Variants in PRTFDC1 observed in about 807,000 individuals in gnomAD.
The protein encoded by PRTFDC1 is phosphoribosyl transferase domain containing 1.
PRTFDC1 carries 38 observed loss-of-function variants against 34.6 expected under a neutral mutation model. The ratio of observed to expected loss-of-function variants is 1.10; its 90% CI spans 0.85 to 1.44. The LOEUF is 1.44. Ranked by LOEUF, PRTFDC1 falls within the 40% of genes most tolerant of loss-of-function variation. The probability of loss-of-function intolerance (pLI) is 0.00; values close to 1 mark genes in which losing one functional copy is unlikely to be tolerated. For synonymous variants in PRTFDC1, 93 were observed against 98.1 expected (o/e 0.95, Z 0.31); for missense variants, 270 against 283.0 (o/e 0.95, Z 0.33).
At chr10:24,942,496 A>G in intron 1 of PRTFDC1, 60 bp from the exon 2 acceptor site, 2 of 1,323,870 alleles carry the variant, frequency 1.5e-6, no homozygotes, top group East Asian at 2.3e-5. Context: ...TTAAAACATA[A>G]CAAAAGAGTA....
chr10:24,927,581 A>ATTTTTT lies in PRTFDC1; in HGVS notation c.339+9597_339+9602dup, dbSNP rs5783910. On this transcript the variant is annotated intron_variant, in intron 3 of 8. Transcript: ENST00000320152. ...TATTGAAGTGATATTGCGGGACCCA[A>ATTTTTT]TTTTTTTTTTTTTTTTTTTGAGACA... Among the ~76,000 whole-genome samples the ATTTTTT allele has an allele frequency of 2.1e-3, 283 of 133,766 alleles. 11 individuals carry two copies. The highest frequency in any genetic ancestry group is 7.8e-3 in the African/African-American group (271 of 34,734). The allele number at this position is 133,766 out of a possible 152,430, so 87.8% of individuals were successfully genotyped here. A position where few individuals can be genotyped will look rare whatever the true frequency, so the allele number is the denominator to read the frequency against.
At chr10:24,918,353 A>G (rs1433104780) in intron 3 of PRTFDC1, among the ~76,000 whole-genome samples, 1 of 151,914 alleles carries the variant, frequency 6.6e-6, no homozygotes, top group African/African-American at 2.4e-5. Context: ...ATCATATTAT[A>G]TATATCCATG....
At chr10:24,924,352 C>A (rs1848839042) in intron 3 of PRTFDC1, among the ~76,000 whole-genome samples, 1 of 152,164 alleles carries the variant, frequency 6.6e-6, no homozygotes, top group Non-Finnish European at 1.5e-5. Flanking sequence ...ACATAATTGT[C>A]AGATTCATCA....
chr10:24,881,558 T>C (rs1353964532), intron 3 of PRTFDC1, among the ~76,000 whole-genome samples: 1 of 152,322 alleles, frequency 6.6e-6, no homozygotes, highest in African/African-American at 2.4e-5. Flanking sequence ...TCCTGATATT[T>C]TTCCAGGTCT....
chr10:24,859,395 G>A (rs1847637961), intron 4 of PRTFDC1, among the ~76,000 whole-genome samples: 1 of 152,176 alleles, frequency 6.6e-6, no homozygotes, highest in South Asian at 2.1e-4. Context: ...ACGTGGCTGG[G>A]ATTATAGGTA....
intron 3 of PRTFDC1, among the ~76,000 whole-genome samples, chr10:24,876,699 A>C (rs1481226103): frequency 6.6e-6 from 1 of 152,046 alleles, no homozygotes; most frequent in Non-Finnish European, 1.5e-5. Context: ...ATCTCAAAAA[A>C]AAAATTTATT....
At chr10:24,856,789 C>T in intron 6 of PRTFDC1, 124 bp downstream of exon 6, 5 of 862,872 alleles carry the variant, frequency 5.8e-6, no homozygotes, top group Middle Eastern at 2.2e-4. Context: ...GCTGTAATAC[C>T]CCAGGGGAAA....
At chr10:24,920,131 T>A (rs1194172870) in intron 3 of PRTFDC1, among the ~76,000 whole-genome samples, 1 of 151,970 alleles carries the variant, frequency 6.6e-6, no homozygotes, top group Non-Finnish European at 1.5e-5. Flanking sequence ...GGGTATATAC[T>A]CAAAGGAATA....
intron 3 of PRTFDC1, among the ~76,000 whole-genome samples, chr10:24,917,570 G>T (rs777754086): frequency 4.6e-5 from 7 of 152,012 alleles, no homozygotes; most frequent in Non-Finnish European, 7.4e-5. Context: ...CTTTTTTAGG[G>T]TTTTTTAGTT....
intron 3 of PRTFDC1, among the ~76,000 whole-genome samples, chr10:24,876,121 G>A (rs935434051): frequency 2.0e-5 from 3 of 152,058 alleles, no homozygotes; most frequent in African/African-American, 7.2e-5. Flanking sequence ...GCTCATGCCT[G>A]CAGAGGCAGG....
rs750869926 is a variant in PRTFDC1, at chr10:24,937,341, A to G, written c.182T>C (p.Met61Thr). 13 of 1,610,854 alleles carry G rather than the reference A, an allele frequency of 8.1e-6. No individual in the cohort carries two copies. Among genetic ancestry groups the G allele is most frequent in the African/African-American group, 2.7e-5 (2 of 74,816 alleles). The change falls in exon 3 of 9, where the codon ATG (methionine) becomes ACG (threonine). Residue 61 changes from methionine (M) to threonine (T), a missense_variant. Coordinates refer to ENST00000320152, the MANE Select transcript of PRTFDC1 (RefSeq NM_020200.7). ...DRIERLAKDIMKDIGYSDIMV... is the reference protein window; with the variant it reads ...DRIERLAKDITKDIGYSDIMV... The stretch of plus-strand genomic sequence containing the variant: ...GATGTCACTATATCCTATGTCTTTC[A>G]TAATATCCTTGGCCAGCCGCTCAAT...
At chr10:24,877,202 A>G (rs942475495) in intron 3 of PRTFDC1, among the ~76,000 whole-genome samples, 1 of 149,828 alleles carries the variant, frequency 6.7e-6, no homozygotes, top group African/African-American at 2.5e-5. Flanking sequence ...TGCCCGACTA[A>G]TTTTTTTTTT....
intron 3 of PRTFDC1, among the ~76,000 whole-genome samples, chr10:24,910,178 T>A (rs1297878556): frequency 2.6e-5 from 4 of 151,740 alleles, no homozygotes; most frequent in Admixed American, 1.3e-4. Flanking sequence ...AATAAATAAA[T>A]TTTTCCAATA....
At chr10:24,898,880 C>T (rs970432255) in intron 3 of PRTFDC1, among the ~76,000 whole-genome samples, 1 of 152,078 alleles carries the variant, frequency 6.6e-6, no homozygotes, top group Non-Finnish European at 1.5e-5. Flanking sequence ...GAGGGGGAGC[C>T]TCAGAGAGGT....
At chr10:24,906,196 GC>G (rs1848532113) in intron 3 of PRTFDC1, among the ~76,000 whole-genome samples, 1 of 152,110 alleles carries the variant, frequency 6.6e-6, no homozygotes, top group Non-Finnish European at 1.5e-5. Context: ...CTTTCTCAAT[GC>G]TTTCTCATTG....
Position 24,849,775 on chromosome 10 carries a change from C to T in PRTFDC1, c.*69G>A, listed in dbSNP as rs12251874. The T allele has an allele frequency of 4.9e-3, 7,389 of 1,502,000 alleles. 310 individuals carry two copies. In the African/African-American group the frequency reaches 0.089, roughly 18 times the overall value. 93.0% of individuals were successfully genotyped at this position (1,502,000 alleles called of 1,614,324 possible). A position where few individuals can be genotyped will look rare whatever the true frequency, so the allele number is the denominator to read the frequency against. ...AAGATGCCTGGGGGGACAAACTTGA[C>T]AGCTGGCTTCCCAAGTACAGGCGTA... On this transcript the variant is annotated 3_prime_UTR_variant, in exon 9 of 9. Coordinates refer to ENST00000320152, the MANE Select transcript of PRTFDC1 (RefSeq NM_020200.7).
At chr10:24,872,484 T>A (rs991271582) in intron 3 of PRTFDC1, among the ~76,000 whole-genome samples, 8 of 151,990 alleles carry the variant, frequency 5.3e-5, no homozygotes, top group Non-Finnish European at 1.2e-4. Context: ...TGGAGAACAG[T>A]CAGATTCTGA....
In PRTFDC1 at chr10:24,937,183, C is replaced by T. The variant is rs200514816; in HGVS notation, c.339+1G>A. On this transcript the variant is annotated splice_donor_variant, in intron 3 of 8. Transcript: ENST00000320152. LOFTEE classifies it high-confidence loss of function. ...ATAAAGCGGAACTTGTAATAACTTA[C>T]CCTGTAACTTTTTAGTCTGATGAAA... 151 of 1,608,136 alleles carry T rather than the reference C, an allele frequency of 9.4e-5. No individual in the cohort carries two copies. The highest frequency in any genetic ancestry group is 1.2e-4 in the Non-Finnish European group (147 of 1,176,692).
chr10:24,894,375 C>T (rs1256437820), intron 3 of PRTFDC1, among the ~76,000 whole-genome samples: 1 of 151,446 alleles, frequency 6.6e-6, no homozygotes. Context: ...TAGGAGGGCA[C>T]TGCTGGCCCT....
Sources: allele counts gnomAD v4.1 joint callset (sites outside exome capture counted in the v4.1 genomes callset), GRCh38; gene constraint gnomAD v4.1.1; transcripts MANE v1.5; gene names NCBI Gene and HGNC (gene_info 2026-07-23, HGNC 2026-07-21).